RALGPS2: variants seen among roughly 807,000 people sequenced by gnomAD.
The protein encoded by RALGPS2 is Ral GEF with PH domain and SH3 binding motif 2.
Under a neutral mutation model 86.8 loss-of-function variants are expected in RALGPS2, and 43 were observed. The observed-to-expected ratio is 0.50, with a 90% CI of 0.39 to 0.64. RALGPS2 has a LOEUF of 0.64. Ranked by LOEUF, RALGPS2 falls within the 30% of genes least tolerant of loss-of-function variation. RALGPS2 has a pLI of 0.00. For missense variants in RALGPS2, 536 were observed against 694.6 expected, an observed-to-expected ratio of 0.77 and a Z score of 2.57; for synonymous variants, 243 against 231.3, an observed-to-expected ratio of 1.05 and a Z score of -0.46.
At chr1:178,914,919 C>A (rs531933516) in intron 19 of RALGPS2, among the ~76,000 whole-genome samples, 1 of 152,150 alleles carries the variant, frequency 6.6e-6, no homozygotes, top group South Asian at 2.1e-4. Flanking sequence ...TATACATTTT[C>A]TTTAAATGTA....
At chr1:178,762,748 G>T (rs1652314124) in intron 1 of RALGPS2, among the ~76,000 whole-genome samples, 1 of 152,102 alleles carries the variant, frequency 6.6e-6, no homozygotes, top group Non-Finnish European at 1.5e-5. Context: ...CTGGATATTA[G>T]ATATTTTTCA....
chr1:178,850,118 T>G (rs973838567), intron 8 of RALGPS2: 24 of 152,694 alleles, frequency 1.6e-4, no homozygotes, highest in African/African-American at 5.5e-4. Context: ...GCTCTGGAGC[T>G]GTTGAATTCT....
At chr1:178,788,390 G>A (rs1653773962) in intron 4 of RALGPS2, among the ~76,000 whole-genome samples, 1 of 152,196 alleles carries the variant, frequency 6.6e-6, no homozygotes, top group African/African-American at 2.4e-5. Flanking sequence ...TCATGGATCT[G>A]ATATTTGGGT....
chr1:178,746,784 C>A (rs562945747), intron 1 of RALGPS2: 2 of 916,630 alleles, frequency 2.2e-6, no homozygotes, highest in Non-Finnish European at 3.7e-6. Flanking sequence ...TTTCTGTCCT[C>A]TCACATACGT....
intron 14 of RALGPS2, among the ~76,000 whole-genome samples, chr1:178,890,611 AATC>A (rs1261134961): frequency 9.9e-5 from 15 of 151,950 alleles, no homozygotes; most frequent in African/African-American, 3.4e-4. Flanking sequence ...TTTTATTTGA[AATC>A]ATAAATTTCA....
intron 1 of RALGPS2, among the ~76,000 whole-genome samples, chr1:178,727,311 C>T (rs1357219495): frequency 2.0e-5 from 3 of 152,078 alleles, no homozygotes; most frequent in African/African-American, 4.8e-5. Flanking sequence ...GCGATCCTCC[C>T]GTGTCAGGCT....
intron 8 of RALGPS2, among the ~76,000 whole-genome samples, chr1:178,863,785 T>C (rs921417613): frequency 5.0e-4 from 76 of 152,010 alleles, no homozygotes; most frequent in African/African-American, 1.8e-3. Context: ...AAATAGGAAG[T>C]GAAGGAAGAA....
At chr1:178,862,789 C>A (rs947737756) in intron 8 of RALGPS2, among the ~76,000 whole-genome samples, 1 of 152,044 alleles carries the variant, frequency 6.6e-6, no homozygotes, top group African/African-American at 2.4e-5. Context: ...AGGCTTCATT[C>A]TTTAGGAGGA....
intron 1 of RALGPS2, among the ~76,000 whole-genome samples, chr1:178,758,826 T>C (rs1172016364): frequency 6.6e-6 from 1 of 152,194 alleles, no homozygotes; most frequent in Non-Finnish European, 1.5e-5. Flanking sequence ...TACAGTGATG[T>C]TGAGAACTTT....
intron 1 of RALGPS2, chr1:178,746,726 T>C (rs1230911736): frequency 3.8e-6 from 3 of 779,906 alleles, no homozygotes; most frequent in Non-Finnish European, 7.1e-6. Flanking sequence ...TCGTTCATTC[T>C]CATTTAGCCT....
chr1:178,761,400 G>A (rs1572296950), intron 1 of RALGPS2, among the ~76,000 whole-genome samples: 1 of 150,916 alleles, frequency 6.6e-6, no homozygotes, highest in Admixed American at 6.6e-5. Flanking sequence ...CTGCATTCCA[G>A]CCTGGGCGAC....
Position 178,883,503 on chromosome 1 carries a change from C to T in RALGPS2, c.874C>T (p.Arg292Cys), listed in dbSNP as rs781045286. 1.3e-5 allele frequency: 21 copies of T among 1,613,394 alleles called. No homozygotes were observed. Among genetic ancestry groups the T allele is most frequent in the South Asian group, 7.7e-5 (7 of 91,064 alleles). Residue 292 changes from arginine to cysteine, a missense_variant, in exon 11 of 20, where the codon CGT becomes TGT. By Grantham distance (180) the Arg-to-Cys change is radical. Around this residue, in one of 3 missense-constraint regions of RALGPS2, gnomAD observed 309 missense variants for 363.0 expected, o/e 0.85. Transcript: ENST00000367635. ...LKIEPGTSTP[R>C]SAASREDLVG... ...GATAGAACCAGGGACAAGCACCCCACGTTCTGCTGCTTCCAGAGAAGATTT... is the reference window on the plus strand; with the variant it reads ...GATAGAACCAGGGACAAGCACCCCATGTTCTGCTGCTTCCAGAGAAGATTT...
At chr1:178,735,767 T>A (rs1259682869) in intron 1 of RALGPS2, among the ~76,000 whole-genome samples, 1 of 152,002 alleles carries the variant, frequency 6.6e-6, no homozygotes, top group Non-Finnish European at 1.5e-5. Flanking sequence ...AAAATAAAAA[T>A]AAGCAAAAAA....
intron 4 of RALGPS2, among the ~76,000 whole-genome samples, chr1:178,793,419 T>A (rs1654051559): frequency 6.6e-6 from 1 of 151,250 alleles, no homozygotes; most frequent in South Asian, 2.1e-4. Context: ...TTTTTTTTTT[T>A]TTAAGAAATG....
At chr1:178,783,473 A>T (rs1036321603) in intron 2 of RALGPS2, among the ~76,000 whole-genome samples, 2 of 152,202 alleles carry the variant, frequency 1.3e-5, no homozygotes, top group Admixed American at 1.3e-4. Context: ...AGAATTTTTT[A>T]AAGTTAAGGA....
rs79513728 is a variant in RALGPS2, at chr1:178,731,058, T to G, written c.-84+5639T>G. Among the ~76,000 whole-genome samples, 1,208 of 152,298 alleles carry G rather than the reference T, an allele frequency of 7.9e-3. 11 individuals are homozygous for G. Among genetic ancestry groups the G allele is most frequent in the Non-Finnish European group, 0.01 (696 of 68,028 alleles). On this transcript the variant is annotated intron_variant, in intron 1 of 19. Coordinates refer to ENST00000367635, the MANE Select transcript of RALGPS2 (RefSeq NM_152663.5). ...CTCTGGATCCATATCCTCCGCTTTC[T>G]TGATTTACTCCTTTGTTTTGGTGAA... is the stretch of plus-strand genomic sequence containing the variant.
rs77658671 is a variant in RALGPS2 at position 178,826,391 on chromosome 1, C to T, written c.480+4687C>T. 2.0e-3 allele frequency among the ~76,000 whole-genome samples: 305 copies of T among 152,272 alleles called. 3 individuals are homozygous for T. The East Asian group carries it at 0.045, about 22-fold the overall frequency. On this transcript the variant is annotated intron_variant, in intron 7 of 19. Coordinates refer to ENST00000367635, the MANE Select transcript of RALGPS2 (RefSeq NM_152663.5). ...CTTTAAAAGCAATGAAATCTTGATA[C>T]ATGCTGCACCATGAATAAACCTTCA...
chr1:178,779,612 A>G (rs1653281454), intron 2 of RALGPS2, among the ~76,000 whole-genome samples: 1 of 152,220 alleles, frequency 6.6e-6, no homozygotes. Context: ...CACAAAATCA[A>G]GTTTCTTATT....
intron 1 of RALGPS2, among the ~76,000 whole-genome samples, chr1:178,755,230 T>G (rs1399563596): frequency 1.3e-5 from 2 of 152,214 alleles, no homozygotes; most frequent in African/African-American, 4.8e-5. Flanking sequence ...TGTAGTAGAT[T>G]TGTTACCTGG....
Sources: allele counts gnomAD v4.1 joint callset (sites outside exome capture counted in the v4.1 genomes callset), GRCh38; gene constraint gnomAD v4.1.1; regional missense constraint gnomAD v4.1.1; transcripts MANE v1.5; gene names NCBI Gene and HGNC (gene_info 2026-07-23, HGNC 2026-07-21).